The following TLE1 variants were observed in gnomAD, a reference collection of about 807,000 sequenced individuals.
The protein encoded by TLE1 is TLE family member 1, transcriptional corepressor, also known as transducin-like enhancer protein 1.
Under a neutral mutation model 89.8 loss-of-function variants are expected in TLE1, and 21 were observed. That is an observed-to-expected ratio of 0.23 (90% CI 0.17 to 0.34). The LOEUF (loss-of-function observed/expected upper bound fraction) is 0.34, where lower values mean the gene tolerates loss of function less well. Among genes scored for constraint, TLE1 ranks in the 10% least tolerant of loss-of-function variants. TLE1 has a pLI of 1.00. For synonymous variants in TLE1, 447 were observed against 407.6 expected, an observed-to-expected ratio of 1.10 and a Z score of -1.16; for missense variants, 795 against 1,031.2, an observed-to-expected ratio of 0.77 and a Z score of 3.14.
chr9:81,680,941 AC>A lies in TLE1; in HGVS notation c.234+4734del, dbSNP rs1246336645. 1.1e-3 allele frequency among the ~76,000 whole-genome samples: 150 copies of A among 135,838 alleles called. 1 individual carries two copies. Among genetic ancestry groups the A allele is most frequent in the African/African-American group, 3.4e-3 (139 of 40,300 alleles). The allele number at this position is 135,838 out of a possible 152,430, so 89.1% of individuals were successfully genotyped here. On this transcript the variant is annotated intron_variant, in intron 4 of 19. Transcript: ENST00000376499. ...AAACACACAGGGTTAAAAAAAAAAAACAAAAAAAACACTAAGGTAAAATTTG... is the reference window on the plus strand; with the variant it reads ...AAACACACAGGGTTAAAAAAAAAAAAAAAAAAAACACTAAGGTAAAATTTG...
intron 6 of TLE1, among the ~76,000 whole-genome samples, chr9:81,635,924 C>T (rs1202509567): frequency 6.6e-6 from 1 of 152,102 alleles, no homozygotes; most frequent in African/African-American, 2.4e-5. Flanking sequence ...CTTTGGAGGC[C>T]AAGGCAGGAA....
chr9:81,592,764 T>C (rs913748307), intron 15 of TLE1, among the ~76,000 whole-genome samples: 1 of 152,196 alleles, frequency 6.6e-6, no homozygotes, highest in Non-Finnish European at 1.5e-5. Context: ...TACACATCCA[T>C]ACATGAGGAG....
intron 4 of TLE1, among the ~76,000 whole-genome samples, chr9:81,666,804 T>TAAAC (rs112716185): frequency 6.9e-6 from 1 of 145,600 alleles, no homozygotes; most frequent in Non-Finnish European, 1.5e-5. Flanking sequence ...AATAAATAAA[T>TAAAC]AAATAAAATA....
At chr9:81,653,228 C>A (rs1254702501) in intron 5 of TLE1, among the ~76,000 whole-genome samples, 2 of 152,166 alleles carry the variant, frequency 1.3e-5, no homozygotes, top group African/African-American at 4.8e-5. Flanking sequence ...CAGGTGCCAA[C>A]CAGGATACCC....
chr9:81,645,598 G>A (rs12005124), intron 6 of TLE1, among the ~76,000 whole-genome samples: 50,291 of 151,628 alleles, frequency 0.33, 8,738 homozygotes, highest in Non-Finnish European at 0.39. Context: ...AAATTAGCCA[G>A]GCGTGGTGGC....
intron 4 of TLE1, among the ~76,000 whole-genome samples, chr9:81,679,920 C>T (rs2133091858): frequency 1.3e-5 from 2 of 152,248 alleles, no homozygotes; most frequent in Middle Eastern, 6.8e-3. Context: ...AAAATGGTTC[C>T]ATGAGCCAGT....
At chr9:81,602,048 A>C (rs1830996530) in intron 14 of TLE1, among the ~76,000 whole-genome samples, 1 of 152,198 alleles carries the variant, frequency 6.6e-6, no homozygotes, top group South Asian at 2.1e-4. Context: ...GTGCAACTGG[A>C]GGGAGACCAT....
At chr9:81,650,409 G>A (rs926615432) in intron 6 of TLE1, among the ~76,000 whole-genome samples, 3 of 152,124 alleles carry the variant, frequency 2.0e-5, no homozygotes, top group Non-Finnish European at 2.9e-5. Flanking sequence ...AAGTTTAACC[G>A]GGTACTTGAG....
chr9:81,661,937 T>C (rs77839901), intron 4 of TLE1, among the ~76,000 whole-genome samples: 4,297 of 152,256 alleles, frequency 0.028, 223 homozygotes, highest in African/African-American at 0.096. Flanking sequence ...TGACATTAAA[T>C]TGGTAGCGCT....
intron 14 of TLE1, among the ~76,000 whole-genome samples, chr9:81,595,469 A>G (rs1490128760): frequency 6.6e-6 from 1 of 152,232 alleles, no homozygotes; most frequent in African/African-American, 2.4e-5. Context: ...GGGTCCAAAA[A>G]CAACAAAAAA....
chr9:81,654,732 A>G (rs11139359), intron 4 of TLE1, among the ~76,000 whole-genome samples: 3,797 of 152,298 alleles, frequency 0.025, 150 homozygotes, highest in African/African-American at 0.086. Flanking sequence ...CTGCAGCTGC[A>G]GCACTGTCAA....
rs758872059 is a variant in TLE1 at position 81,616,652 on chromosome 9, A to T, written c.759T>A (p.Ser253=). The stretch of plus-strand genomic sequence containing the variant: ...TGATGAAAAGAATGGTTACCTCATT[A>T]GACACATCCACAACTAAGTTGTCAT... The part of the protein sequence containing the change: ...KSDDNLVVDV[S]NEDPSSPRAS... The change falls in exon 10 of 20, where the codon TCT becomes TCA. Residue 253 remains serine (S), a synonymous_variant. Coordinates refer to ENST00000376499, the MANE Select transcript of TLE1 (RefSeq NM_005077.5). 1 of 1,614,100 alleles carries T rather than the reference A, an allele frequency of 6.2e-7. No homozygotes were observed. The highest frequency in any genetic ancestry group is 8.5e-7 in the Non-Finnish European group (1 of 1,179,980).
intron 4 of TLE1, among the ~76,000 whole-genome samples, chr9:81,663,578 A>AC (rs1224942716): frequency 1.3e-5 from 2 of 150,940 alleles, no homozygotes; most frequent in Non-Finnish European, 2.9e-5. Context: ...TGACAGGGTC[A>AC]CCGTGCCCTT....
At chr9:81,604,194 A>T (rs1831331002) in intron 14 of TLE1, among the ~76,000 whole-genome samples, 1 of 152,168 alleles carries the variant, frequency 6.6e-6, no homozygotes, top group Non-Finnish European at 1.5e-5. Flanking sequence ...GAGAGGGCAA[A>T]GGAGAATTTT....
chr9:81,615,125 GA>G (rs1824284186), intron 11 of TLE1, among the ~76,000 whole-genome samples: 1 of 87,744 alleles, frequency 1.1e-5, no homozygotes. Flanking sequence ...AAAAAAAGAA[GA>G]AGAAGAAGAA....
Position 81,593,236 on chromosome 9 carries a change from T to C in TLE1, c.1370A>G (p.Gln457Arg). ...SFHVTADGQM[Q>R]PVPFPPDALI... ...GGCGTCGGGGGGAAAAGGGACAGGC[T>C]GCATCTGACCGTCTGCAGTAACGTG... Residue 457 changes from glutamine to arginine, a missense_variant, in exon 15 of 20, where the codon CAG (glutamine) becomes CGG (arginine). By Grantham distance (43) the Gln-to-Arg change is conservative (BLOSUM62 1). Around this residue, in one of 4 missense-constraint regions of TLE1, gnomAD observed 468 missense variants for 509.1 expected, o/e 0.92. Coordinates refer to ENST00000376499, the MANE Select transcript of TLE1 (RefSeq NM_005077.5). The C allele has an allele frequency of 6.2e-7, 1 of 1,614,108 alleles. No individual in the cohort carries two copies. Among genetic ancestry groups the C allele is most frequent in the Non-Finnish European group, 8.5e-7 (1 of 1,179,962 alleles).
chr9:81,586,007 C>T (rs1027964191), intron 17 of TLE1, among the ~76,000 whole-genome samples: 3 of 145,536 alleles, frequency 2.1e-5, no homozygotes, highest in African/African-American at 7.6e-5. Context: ...AGAAATGTGT[C>T]GTTAGGTGAC....
chr9:81,645,313 C>CA, intron 6 of TLE1, among the ~76,000 whole-genome samples: 1 of 146,650 alleles, frequency 6.8e-6, no homozygotes, highest in South Asian at 2.2e-4. Context: ...CAGTGAGCGC[C>CA]AAGATCGCGC....
intron 13 of TLE1, 83 bp from the exon 14 acceptor site, chr9:81,610,379 A>C: frequency 1.6e-5 from 16 of 1,004,658 alleles, no homozygotes; most frequent in Non-Finnish European, 2.4e-5. Flanking sequence ...TTAGAAACTC[A>C]CAGATCCCCA....
Sources: allele counts gnomAD v4.1 joint callset (sites outside exome capture counted in the v4.1 genomes callset), GRCh38; gene constraint gnomAD v4.1.1; regional missense constraint gnomAD v4.1.1; transcripts MANE v1.5; gene names NCBI Gene and HGNC (gene_info 2026-07-23, HGNC 2026-07-21).